SLC18B1: variants seen among roughly 807,000 people sequenced by gnomAD.
SLC18B1 encodes MFS-type transporter SLC18B1.
A neutral mutation model predicts 53.9 loss-of-function variants in SLC18B1; 62 were observed. That is an observed-to-expected ratio of 1.15 (90% CI 0.94 to 1.42). SLC18B1 has a LOEUF of 1.42. SLC18B1 is among the 40% of genes most tolerant of loss of function. The probability of loss-of-function intolerance (pLI) is 0.00; values close to 1 mark genes in which losing one functional copy is unlikely to be tolerated. For synonymous variants in SLC18B1, 217 were observed against 200.9 expected (o/e 1.08, Z -0.68); for missense variants, 598 against 547.3 (o/e 1.09, Z -0.93).
intron 2 of SLC18B1, among the ~76,000 whole-genome samples, chr6:132,792,224 T>TCAAGAAAGAAAGAAAGAAAGAAAGA (rs1781540857): frequency 2.4e-5 from 1 of 42,282 alleles, no homozygotes; most frequent in African/African-American, 1.1e-4. Flanking sequence ...CAAGACACTG[T>TCAAGAAAGAAAGAAAGAAAGAAAGA]CAGAAAGAAA....
intron 6 of SLC18B1, among the ~76,000 whole-genome samples, chr6:132,781,140 C>T (rs1182529106): frequency 1.3e-5 from 2 of 152,018 alleles, no homozygotes; most frequent in South Asian, 4.1e-4. Flanking sequence ...TATGTATTTA[C>T]GGTAAGAAAT....
chr6:132,784,771 T>C (rs984141277), intron 5 of SLC18B1, among the ~76,000 whole-genome samples: 1 of 152,224 alleles, frequency 6.6e-6, no homozygotes, highest in African/African-American at 2.4e-5. Context: ...TACAAGCTTA[T>C]GTGCTATAGC....
chr6:132,771,868 G>T (rs1780983662), intron 11 of SLC18B1, among the ~76,000 whole-genome samples: 1 of 152,194 alleles, frequency 6.6e-6, no homozygotes, highest in South Asian at 2.1e-4. Flanking sequence ...AAGGCGGGCA[G>T]ATCACCTGAG....
chr6:132,771,294 T>C (rs1302455042), intron 11 of SLC18B1, among the ~76,000 whole-genome samples, 165 bp from the exon 12 acceptor site: 1 of 152,212 alleles, frequency 6.6e-6, no homozygotes, highest in Non-Finnish European at 1.5e-5. Context: ...AAAATAATTC[T>C]ACCTGATAAT....
intron 2 of SLC18B1, 120 bp from the exon 3 acceptor site, chr6:132,790,392 A>G: frequency 8.4e-6 from 5 of 598,370 alleles, no homozygotes; most frequent in Non-Finnish European, 1.4e-5. Flanking sequence ...CAGTTTCAAA[A>G]AGATTATTCT....
intron 12 of SLC18B1, 42 bp downstream of exon 12, chr6:132,770,994 C>T (rs1780956633): frequency 6.2e-7 from 1 of 1,610,134 alleles, no homozygotes; most frequent in South Asian, 1.1e-5. Flanking sequence ...CAAGTTTTTC[C>T]ACAAATATAA....
At position 132,798,463 on chromosome 6, in the gene SLC18B1, T is replaced by G; in HGVS notation, c.-7A>C. 1 of 1,513,646 alleles carries G rather than the reference T, an allele frequency of 6.6e-7. No homozygotes were observed. Among genetic ancestry groups the G allele is most frequent in the Non-Finnish European group, 8.9e-7 (1 of 1,126,368 alleles). The allele number at this position is 1,513,646 out of a possible 1,614,324, so 93.8% of individuals were successfully genotyped here. A position where few individuals can be genotyped will look rare whatever the true frequency, so the allele number is the denominator to read the frequency against. ...GGTCACCCAGCGCCTCCATCCCCGG[T>G]GCGTGGACTCCGGCGCCCCAGCTCC... On this transcript the variant is annotated 5_prime_UTR_variant, in exon 1 of 14. Coordinates refer to ENST00000275227, the MANE Select transcript of SLC18B1 (RefSeq NM_052831.3).
intron 2 of SLC18B1, among the ~76,000 whole-genome samples, chr6:132,796,532 GAAAAAAAAA>G (rs56286125): frequency 1.3e-5 from 1 of 77,890 alleles, no homozygotes; most frequent in Non-Finnish European, 2.4e-5. Context: ...GTCTCGAAAG[GAAAAAAAAA>G]AAAAAAAAAA....
chr6:132,784,490 G>C (rs1329452452), intron 5 of SLC18B1, among the ~76,000 whole-genome samples: 1 of 152,034 alleles, frequency 6.6e-6, no homozygotes, highest in Non-Finnish European at 1.5e-5. Context: ...TAGAAAAATG[G>C]GCAAATGCTA....
chr6:132,783,365 C>T (rs1426057125), intron 6 of SLC18B1, among the ~76,000 whole-genome samples: 5 of 152,070 alleles, frequency 3.3e-5, no homozygotes, highest in African/African-American at 1.2e-4. Flanking sequence ...TTAGTAGACA[C>T]AGGGTTTCAC....
chr6:132,792,706 G>A (rs910458160), intron 2 of SLC18B1, among the ~76,000 whole-genome samples: 5 of 152,094 alleles, frequency 3.3e-5, no homozygotes, highest in Non-Finnish European at 5.9e-5. Flanking sequence ...TCCCATATTC[G>A]CTGTGGAAAT....
chr6:132,780,458 T>C (rs950505913), intron 6 of SLC18B1, among the ~76,000 whole-genome samples: 5 of 152,134 alleles, frequency 3.3e-5, no homozygotes, highest in African/African-American at 1.2e-4. Flanking sequence ...TAAATACTTG[T>C]TGAATCATGA....
chr6:132,798,512 C>T lies in SLC18B1; in HGVS notation c.-56G>A. The T allele has an allele frequency of 1.4e-6, 2 of 1,414,486 alleles. No homozygotes were observed. Among genetic ancestry groups the T allele is most frequent in the Non-Finnish European group, 1.9e-6 (2 of 1,075,394 alleles). 87.6% of individuals were successfully genotyped at this position (1,414,486 alleles called of 1,614,324 possible). ...CCCGGCTTCAAGCCACGTCCTTGGA[C>T]TCGACCTCCAAGGAGCCACTGGCAC... On this transcript the variant is annotated 5_prime_UTR_variant, in exon 1 of 14. Coordinates refer to ENST00000275227, the MANE Select transcript of SLC18B1 (RefSeq NM_052831.3).
At chr6:132,781,546 T>C (rs1158098778) in intron 6 of SLC18B1, among the ~76,000 whole-genome samples, 1 of 151,644 alleles carries the variant, frequency 6.6e-6, no homozygotes, top group Non-Finnish European at 1.5e-5. Flanking sequence ...ATCACGAGGG[T>C]AGGAGTTCGA....
chr6:132,792,331 G>A (rs1343696586), intron 2 of SLC18B1, among the ~76,000 whole-genome samples: 8 of 119,058 alleles, frequency 6.7e-5, no homozygotes, highest in Admixed American at 3.2e-4. Flanking sequence ...AAGGAAGGAA[G>A]GAAGGAAGGA....
chr6:132,793,607 C>G (rs1472597515), intron 2 of SLC18B1, among the ~76,000 whole-genome samples: 1 of 152,186 alleles, frequency 6.6e-6, no homozygotes, highest in Non-Finnish European at 1.5e-5. Flanking sequence ...CTTGCCTGAG[C>G]TATTACATTC....
Position 132,797,050 on chromosome 6 carries a change from A to G in SLC18B1, c.115T>C (p.Ser39Pro), listed in dbSNP as rs201489698. 2.5e-6 allele frequency: 4 copies of G among 1,614,186 alleles called. No homozygotes were observed. Among genetic ancestry groups the G allele is most frequent in the East Asian group, 2.2e-5 (1 of 44,884 alleles). The change falls in exon 2 of 14, where the codon TCG becomes CCG. Residue 39 changes from serine to proline, a missense_variant. By Grantham distance (74) the Ser-to-Pro change is moderately conservative. Transcript: ENST00000275227. ...GAACCTAAGTTCACCGAAGCTGCCG[A>G]TATCAGTACAAAAACCTGTTCTCTC... ...LSREQVFVLI[S>P]AASVNLGSMM...
In SLC18B1 at chr6:132,783,942, G is replaced by C. The variant is rs147589964; in HGVS notation, c.649C>G (p.Pro217Ala). The C allele has an allele frequency of 1.8e-4, 287 of 1,589,874 alleles. No homozygotes were observed. Among genetic ancestry groups the C allele is most frequent in the Non-Finnish European group, 2.3e-4 (275 of 1,170,572 alleles). ...LMVPLNMYIL[P>A]NYESDPGEHS... ...ATAAGTGTGGACTTACCGTAATTGG[G>C]TAAAATATACATATTGAGTGGTACC... The change falls in exon 6 of 14, where the codon CCC becomes GCC. Residue 217 changes from proline (P) to alanine (A), a missense_variant. Pro to Ala is a conservative substitution (Grantham distance 27). Transcript: ENST00000275227.
At position 132,781,467 on chromosome 6, in the gene SLC18B1, C is replaced by T. The variant is rs149909669; in HGVS notation, c.659-2063G>A. ...TGATCGAGAAGGTTTAGAAAAACTC[C>T]CCAGAAAAGGGCCGGGCACGGTGGC... On this transcript the variant is annotated intron_variant, in intron 6 of 13. Coordinates refer to ENST00000275227, the MANE Select transcript of SLC18B1 (RefSeq NM_052831.3). Among the ~76,000 whole-genome samples, 930 of 151,764 alleles carry T rather than the reference C, an allele frequency of 6.1e-3. 8 individuals carry two copies. The highest frequency in any genetic ancestry group is 0.02 in the African/African-American group (839 of 41,454).
Sources: allele counts gnomAD v4.1 joint callset (sites outside exome capture counted in the v4.1 genomes callset), GRCh38; gene constraint gnomAD v4.1.1; transcripts MANE v1.5; gene names NCBI Gene and HGNC (gene_info 2026-07-23, HGNC 2026-07-21).